TAX1BP3: variants seen among roughly 807,000 people sequenced by gnomAD.
TAX1BP3 encodes the protein tax1-binding protein 3.
In TAX1BP3, 13 loss-of-function variants were observed where a neutral mutation model predicts 15.3. That is an observed-to-expected ratio of 0.85 (90% CI 0.55 to 1.35). The LOEUF is 1.35. Ranked by LOEUF, TAX1BP3 falls within the 40% of genes most tolerant of loss-of-function variation. The probability of loss-of-function intolerance (pLI) is 0.00; values close to 1 mark genes in which losing one functional copy is unlikely to be tolerated. For synonymous variants in TAX1BP3, 70 were observed against 66.0 expected (o/e 1.06, Z -0.30); for missense variants, 147 against 169.6 (o/e 0.87, Z 0.74).
chr17:3,667,856 G>A (rs1424580156), intron 1 of TAX1BP3, among the ~76,000 whole-genome samples: 3 of 152,222 alleles, frequency 2.0e-5, no homozygotes, highest in African/African-American at 7.2e-5. Context: ...CCCCCGGAGG[G>A]TCTACTCAGG....
In TAX1BP3 at chr17:3,664,279, A is replaced by T; in HGVS notation, c.160-7T>A. On this transcript the variant is annotated splice_region_variant and splice_polypyrimidine_tract_variant and intron_variant, in intron 2 of 3. Coordinates refer to ENST00000225525, the MANE Select transcript of TAX1BP3 (RefSeq NM_014604.4). ...CCCGTGTGACATAAATACCCTGGAA[A>T]GGGGCAGCCCAAGTCAAGCCCTGTG... 1 of 1,613,950 alleles carries T rather than the reference A, an allele frequency of 6.2e-7. No individual in the cohort carries two copies. The highest frequency in any genetic ancestry group is 1.1e-5 in the South Asian group (1 of 91,072).
Position 3,664,261 on chromosome 17 carries a change from G to A in TAX1BP3, c.171C>T (p.Val57=). The A allele has an allele frequency of 3.7e-6, 6 of 1,614,004 alleles. No individual in the cohort carries two copies. The highest frequency in any genetic ancestry group is 4.2e-6 in the Non-Finnish European group (5 of 1,180,028). Residue 57 remains valine, a synonymous_variant, in exon 3 of 4, where the codon GTC becomes GTT. Transcript: ENST00000225525. ...CAGGGCCTCCTTCAGACACCCGTGT[G>A]ACATAAATACCCTGGAAAGGGGCAG... The part of the protein sequence containing the change: ...SEDKTDKGIY[V]TRVSEGGPAE...
In TAX1BP3 at chr17:3,664,734, C is replaced by T; in HGVS notation, c.104G>A (p.Gly35Asp). The T allele has an allele frequency of 6.2e-7, 1 of 1,613,902 alleles. No homozygotes were observed. The highest frequency in any genetic ancestry group is 8.5e-7 in the Non-Finnish European group (1 of 1,179,932). ...CTGGGAAGGATCCTGGTCGATTCCACCTCCAATGCTGAAACCCAGGATTAA... is the reference window on the plus strand; with the variant it reads ...CTGGGAAGGATCCTGGTCGATTCCATCTCCAATGCTGAAACCCAGGATTAA... ...ENLILGFSIG[G>D]GIDQDPSQNP... Residue 35 changes from glycine (G) to aspartate (D), a missense_variant, in exon 2 of 4, where the codon GGT (glycine) becomes GAT (aspartate). Coordinates refer to ENST00000225525, the MANE Select transcript of TAX1BP3 (RefSeq NM_014604.4).
At position 3,668,028 on chromosome 17, in the gene TAX1BP3, C is replaced by A. The variant is rs997834470; in HGVS notation, c.39+460G>T. Among the ~76,000 whole-genome samples the A allele has an allele frequency of 1.3e-5, 2 of 152,246 alleles. No individual in the cohort carries two copies. The highest frequency in any genetic ancestry group is 4.8e-5 in the African/African-American group (2 of 41,474). On this transcript the variant is annotated intron_variant, in intron 1 of 3. Transcript: ENST00000225525. This position sits in a 1 kb window ranked among gnomAD's most constrained non-coding sequence, Gnocchi z 4.1. ...AGGCTGGACAGGAAGGGGGCAGGGG[C>A]TGCCACGGCAGGCTCGGGAGAGCCC...
In TAX1BP3 at chr17:3,665,256, T is replaced by C. The variant is rs949253699; in HGVS notation, c.40-458A>G. Reference sequence around the variant, plus strand: ...AAAGGGAAAGAGGAGAGGCACCGGATATATGTTCTCTAGGCCTTTTAGAAA... The same window carrying C: ...AAAGGGAAAGAGGAGAGGCACCGGACATATGTTCTCTAGGCCTTTTAGAAA... On this transcript the variant is annotated intron_variant, in intron 1 of 3. Coordinates refer to ENST00000225525, the MANE Select transcript of TAX1BP3 (RefSeq NM_014604.4). 29 of 1,387,112 alleles carry C rather than the reference T, an allele frequency of 2.1e-5. No individual in the cohort carries two copies. In the Admixed American group the frequency reaches 4.7e-4, roughly 23 times the overall value. The allele number at this position is 1,387,112 out of a possible 1,614,324, so 85.9% of individuals were successfully genotyped here.
At chr17:3,665,744 A>AC in intron 1 of TAX1BP3, 3 of 472,726 alleles carry the variant, frequency 6.3e-6, no homozygotes, top group East Asian at 4.7e-5. Flanking sequence ...CTGGGCTCCA[A>AC]AAAAAAAAAA....
In TAX1BP3 at chr17:3,663,375, GC is replaced by G; in HGVS notation, c.*372del. Reference sequence around the variant, plus strand: ...AGCCGAACCCTGCAGCCAGGCAAAAGCGGGAAAGGCCTGGTTCCTCCAGCAT... The same window carrying G: ...AGCCGAACCCTGCAGCCAGGCAAAAGGGGAAAGGCCTGGTTCCTCCAGCAT... On this transcript the variant is annotated 3_prime_UTR_variant, in exon 4 of 4. Coordinates refer to ENST00000225525, the MANE Select transcript of TAX1BP3 (RefSeq NM_014604.4). 5.4e-6 allele frequency: 1 copy of G among 184,588 alleles called. No homozygotes were observed. Among genetic ancestry groups the G allele is most frequent in the East Asian group, 1.4e-4 (1 of 7,370 alleles). 11.4% of individuals were successfully genotyped at this position (184,588 alleles called of 1,614,324 possible).
At chr17:3,666,399 G>A (rs2076339871) in intron 1 of TAX1BP3, among the ~76,000 whole-genome samples, 1 of 152,088 alleles carries the variant, frequency 6.6e-6, no homozygotes, top group Non-Finnish European at 1.5e-5. Flanking sequence ...CCTGAAAATG[G>A]AGATCTACAG....
At chr17:3,667,598 C>T (rs1358549078) in intron 1 of TAX1BP3, among the ~76,000 whole-genome samples, 1 of 152,202 alleles carries the variant, frequency 6.6e-6, no homozygotes, top group African/African-American at 2.4e-5. Flanking sequence ...CTACTGCCCA[C>T]CGGGCAGGCA....
At chr17:3,664,638 T>C in intron 2 of TAX1BP3, 41 bp downstream of exon 2, 1 of 1,612,018 alleles carries the variant, frequency 6.2e-7, no homozygotes, top group South Asian at 1.1e-5. Flanking sequence ...CTCAGGCCCC[T>C]GTGCCCCATG....
At position 3,664,766 on chromosome 17, in the gene TAX1BP3, A is replaced by G; in HGVS notation, c.72T>C (p.Gly24=). The part of the protein sequence containing the change: ...QRVEIHKLRQ[G]ENLILGFSIG... The stretch of plus-strand genomic sequence containing the variant: ...TGCTGAAACCCAGGATTAAGTTCTC[A>G]CCTTGACGCAGCTTGTGAATTTCAA... Residue 24 remains glycine (G), a synonymous_variant, in exon 2 of 4, where the codon GGT becomes GGC. Transcript: ENST00000225525. The G allele has an allele frequency of 6.2e-7, 1 of 1,613,738 alleles. No individual in the cohort carries two copies. The highest frequency in any genetic ancestry group is 8.5e-7 in the Non-Finnish European group (1 of 1,179,916).
intron 1 of TAX1BP3, among the ~76,000 whole-genome samples, chr17:3,665,063 C>T (rs2076324054): frequency 1.3e-5 from 2 of 152,208 alleles, no homozygotes. Context: ...GTGGTGGAAG[C>T]CCCTGCTGGC....
At position 3,663,691 on chromosome 17, in the gene TAX1BP3, G is replaced by A. The variant is rs2076306803; in HGVS notation, c.*57C>T. 6.4e-7 allele frequency: 1 copy of A among 1,560,186 alleles called. No homozygotes were observed. Among genetic ancestry groups the A allele is most frequent in the Non-Finnish European group, 8.7e-7 (1 of 1,154,156 alleles). On this transcript the variant is annotated 3_prime_UTR_variant, in exon 4 of 4. Coordinates refer to ENST00000225525, the MANE Select transcript of TAX1BP3 (RefSeq NM_014604.4). ...AGAAGCCAGATGGGGACAGAGTGTGGAAGTGGCGTTACTGTACAGAGAGGC... is the reference window on the plus strand; with the variant it reads ...AGAAGCCAGATGGGGACAGAGTGTGAAAGTGGCGTTACTGTACAGAGAGGC...
chr17:3,665,762 A>C, intron 1 of TAX1BP3: 1 of 613,624 alleles, frequency 1.6e-6, no homozygotes, highest in Non-Finnish European at 2.9e-6. Context: ...AAAAAAAAAA[A>C]AAAGAAAGGA....
Position 3,663,896 on chromosome 17 carries a change from G to C in TAX1BP3, c.238-11C>G. 6.2e-7 allele frequency: 1 copy of C among 1,604,660 alleles called. No homozygotes were observed. Among genetic ancestry groups the C allele is most frequent in the Non-Finnish European group, 8.5e-7 (1 of 1,178,472 alleles). ...GTCCCAGCCGTTCACCTGGCCCCAG[G>C]AGAGAACACAGGCTCACCTCAGCTC... On this transcript the variant is annotated splice_polypyrimidine_tract_variant and intron_variant, in intron 3 of 3. Coordinates refer to ENST00000225525, the MANE Select transcript of TAX1BP3 (RefSeq NM_014604.4).
In TAX1BP3 at chr17:3,668,183, G is replaced by A. The variant is rs2076362864; in HGVS notation, c.39+305C>T. ...CAGCAGCTCCCCGTCTGGGGACACG[G>A]AGGCCCGGGAAGGGGGCGCTTTTCC... On this transcript the variant is annotated intron_variant, in intron 1 of 3. Coordinates refer to ENST00000225525, the MANE Select transcript of TAX1BP3 (RefSeq NM_014604.4). This position sits in a 1 kb window ranked among gnomAD's most constrained non-coding sequence, Gnocchi z 4.1. Among the ~76,000 whole-genome samples the A allele has an allele frequency of 6.6e-6, 1 of 152,220 alleles. No individual in the cohort carries two copies. Among genetic ancestry groups the A allele is most frequent in the African/African-American group, 2.4e-5 (1 of 41,458 alleles).
intron 1 of TAX1BP3, among the ~76,000 whole-genome samples, chr17:3,666,116 A>C (rs1490032532): frequency 1.3e-5 from 2 of 152,256 alleles, no homozygotes; most frequent in Non-Finnish European, 2.9e-5. Flanking sequence ...GATCACTCCC[A>C]AAGTCAAGTT....
In TAX1BP3 at chr17:3,663,755, A is replaced by G. The variant is rs143045421; in HGVS notation, c.368T>C (p.Leu123Pro). ...CGCAGATGGTGGTGGCTGCTAGGAC[A>G]GCATGGACTGCTGCACGGCCTTCTG... ...SLQKAVQQSM[L>P]S is the part of the protein sequence containing the mutation. The change falls in exon 4 of 4, where the codon CTG becomes CCG. Residue 123 changes from leucine to proline, a missense_variant. By Grantham distance (98) the Leu-to-Pro change is moderately conservative. Transcript: ENST00000225525. 10,915 of 1,603,982 alleles carry G rather than the reference A, an allele frequency of 6.8e-3. 64 individuals are homozygous for G. The highest frequency in any genetic ancestry group is 0.017 in the Middle Eastern group (92 of 5,272).
rs780989457 is a variant in TAX1BP3, at chr17:3,665,659, C to T, written c.40-861G>A. On this transcript the variant is annotated intron_variant, in intron 1 of 3. Transcript: ENST00000225525. ...CACTTTGTGAGAACCAACGGGAAGGCGCCTGAGCTGCTGGAACCTATTCCC... is the reference window on the plus strand; with the variant it reads ...CACTTTGTGAGAACCAACGGGAAGGTGCCTGAGCTGCTGGAACCTATTCCC... 75 of 1,039,776 alleles carry T rather than the reference C, an allele frequency of 7.2e-5. 1 individual carries two copies. Among genetic ancestry groups the T allele is most frequent in the Non-Finnish European group, 9.6e-5 (65 of 675,276 alleles). The allele number at this position is 1,039,776 out of a possible 1,614,324, so 64.4% of individuals were successfully genotyped here. A position where few individuals can be genotyped will look rare whatever the true frequency, so the allele number is the denominator to read the frequency against.
Sources: gnomAD v4.1 joint callset for allele counts (sites outside exome capture counted in the v4.1 genomes callset) on GRCh38, gnomAD v4.1.1 for gene constraint, Gnocchi (gnomAD v3.1) non-coding constraint, MANE v1.5 for transcripts, NCBI Gene and HGNC (gene_info 2026-07-23, HGNC 2026-07-21) for gene names.